Variants in C1QTNF2 observed in about 807,000 individuals in gnomAD.
C1QTNF2 encodes the protein C1q and TNF related 2.
Under a neutral mutation model 17.4 loss-of-function variants are expected in C1QTNF2, and 15 were observed. That is an observed-to-expected ratio of 0.86 (90% CI 0.58 to 1.33). C1QTNF2 has a LOEUF of 1.33. Ranked by LOEUF, C1QTNF2 falls within the 40% of genes most tolerant of loss-of-function variation. The probability of loss-of-function intolerance (pLI) is 0.00; values close to 1 mark genes in which losing one functional copy is unlikely to be tolerated. For synonymous variants in C1QTNF2, 154 were observed against 163.3 expected (o/e 0.94, Z 0.44); for missense variants, 381 against 392.3 (o/e 0.97, Z 0.24).
At chr5:160,366,181 A>T (rs1004405608) in intron 1 of C1QTNF2, among the ~76,000 whole-genome samples, 11 of 152,118 alleles carry the variant, frequency 7.2e-5, no homozygotes, top group Non-Finnish European at 1.6e-4. Flanking sequence ...CTTAGCTCTC[A>T]CTTATGAGTG....
At chr5:160,357,519 T>C (rs1339421698) in intron 1 of C1QTNF2, among the ~76,000 whole-genome samples, 2 of 151,174 alleles carry the variant, frequency 1.3e-5, no homozygotes, top group African/African-American at 2.5e-5. Context: ...AATCACCATT[T>C]CTTTCCCTGT....
At chr5:160,369,332 A>C (rs925127708) in intron 1 of C1QTNF2, among the ~76,000 whole-genome samples, 1 of 152,204 alleles carries the variant, frequency 6.6e-6, no homozygotes, top group African/African-American at 2.4e-5. Context: ...GGAGATGGGG[A>C]GAAGTCAGAC....
chr5:160,352,766 A>G (rs1233489448), intron 2 of C1QTNF2, among the ~76,000 whole-genome samples: 1 of 152,180 alleles, frequency 6.6e-6, no homozygotes, highest in African/African-American at 2.4e-5. Flanking sequence ...AAGCTATGAT[A>G]GTTACTTTTA....
chr5:160,349,833 A>T lies in C1QTNF2; in HGVS notation c.245-52T>A. 1 of 1,499,100 alleles carries T rather than the reference A, an allele frequency of 6.7e-7. No individual in the cohort carries two copies. Among genetic ancestry groups the T allele is most frequent in the African/African-American group, 1.4e-5 (1 of 71,728 alleles). The allele number at this position is 1,499,100 out of a possible 1,614,324, so 92.9% of individuals were successfully genotyped here. ...GGAGGGTCCTCACAGACCTAGGCAG[A>T]GGGGTGCGGTGCGGCTTGGTCTTCC... On this transcript the variant is annotated intron_variant, in intron 2 of 2. Transcript: ENST00000652664. The surrounding 1 kb of genome is among the most constrained non-coding windows in gnomAD (Gnocchi z 4.3).
At chr5:160,355,089 G>T in intron 1 of C1QTNF2, 69 bp from the exon 2 acceptor site, 2 of 1,458,062 alleles carry the variant, frequency 1.4e-6, no homozygotes, top group Non-Finnish European at 1.8e-6. Context: ...GGTCAGAGGG[G>T]ATGCACAGGA....
chr5:160,354,680 T>C (rs1015563288), intron 2 of C1QTNF2, 88 bp downstream of exon 2: 30 of 1,362,794 alleles, frequency 2.2e-5, no homozygotes, highest in Non-Finnish European at 2.4e-5. Context: ...AGAGGATTAA[T>C]ACTAGTTTTA....
In C1QTNF2 at chr5:160,354,991, C is replaced by T; in HGVS notation, c.21G>A (p.Leu7=). Residue 7 remains leucine (L), a synonymous_variant, in exon 2 of 3, where the codon CTG becomes CTA. Transcript: ENST00000652664. ...CAGCAGCACAGGGGAGGGCACAGGC[C>T]AGGAGCACCCAGGGGATCATGGTGG... MIPWVL[L]ACALPCAADP... The T allele has an allele frequency of 6.3e-7, 1 of 1,579,700 alleles. No homozygotes were observed. The highest frequency in any genetic ancestry group is 8.6e-7 in the Non-Finnish European group (1 of 1,164,334).
At chr5:160,370,448 C>A in intron 1 of C1QTNF2, 64 bp downstream of exon 1, 1 of 1,262,024 alleles carries the variant, frequency 7.9e-7, no homozygotes, top group South Asian at 2.1e-5. Flanking sequence ...CAGTGCGAGT[C>A]CTCCTCCTCC....
rs952657250 is a variant in C1QTNF2 at position 160,347,796 on chromosome 5, G to A, written c.*1372C>T. ...TTTTTTTTTGAGATAGTCTCACTCT[G>A]TTGCCCAGGCTGGAGTGCAGTGGCA... On this transcript the variant is annotated 3_prime_UTR_variant, in exon 3 of 3. Coordinates refer to ENST00000652664, the MANE Select transcript of C1QTNF2 (RefSeq NM_031908.6). 7.4e-6 allele frequency: 1 copy of A among 135,852 alleles called. No homozygotes were observed. The highest frequency in any genetic ancestry group is 1.5e-5 in the Non-Finnish European group (1 of 64,916). The allele number at this position is 135,852 out of a possible 1,614,324, so 8.4% of individuals were successfully genotyped here.
At chr5:160,365,093 C>T (rs1342626053) in intron 1 of C1QTNF2, among the ~76,000 whole-genome samples, 8 of 152,202 alleles carry the variant, frequency 5.3e-5, no homozygotes, top group Non-Finnish European at 7.3e-5. Flanking sequence ...GAGCATCCAG[C>T]TGGCACACCT....
chr5:160,369,937 C>T (rs1764318754), intron 1 of C1QTNF2, among the ~76,000 whole-genome samples: 1 of 152,074 alleles, frequency 6.6e-6, no homozygotes, highest in Admixed American at 6.5e-5. Flanking sequence ...CTCTGCCTGC[C>T]GTTCAATACC....
At chr5:160,366,901 G>A (rs1448626447) in intron 1 of C1QTNF2, among the ~76,000 whole-genome samples, 1 of 137,670 alleles carries the variant, frequency 7.3e-6, no homozygotes, top group Non-Finnish European at 1.7e-5. Context: ...GTGCATGCCT[G>A]TAGTCCCAAT....
intron 1 of C1QTNF2, among the ~76,000 whole-genome samples, chr5:160,366,827 C>T (rs1764255516): frequency 6.6e-6 from 1 of 151,996 alleles, no homozygotes; most frequent in Admixed American, 6.6e-5. Context: ...AGTTCGAGAC[C>T]AGCCTGGACA....
In C1QTNF2 at chr5:160,348,854, T is replaced by C. The variant is rs1341393578; in HGVS notation, c.*314A>G. ...AATATTATATTATTTGCTTGTATAT[T>C]TGTAAATTGTATCTCCTGCTAGAAT... is the stretch of plus-strand genomic sequence containing the variant. On this transcript the variant is annotated 3_prime_UTR_variant, in exon 3 of 3. Transcript: ENST00000652664. 5 of 268,564 alleles carry C rather than the reference T, an allele frequency of 1.9e-5. No individual in the cohort carries two copies. Among genetic ancestry groups the C allele is most frequent in the African/African-American group, 6.5e-5 (3 of 45,898 alleles). The allele number at this position is 268,564 out of a possible 1,614,324, so 16.6% of individuals were successfully genotyped here.
intron 1 of C1QTNF2, among the ~76,000 whole-genome samples, chr5:160,363,563 A>G (rs1366315341): frequency 6.6e-6 from 1 of 152,274 alleles, no homozygotes; most frequent in Non-Finnish European, 1.5e-5. Flanking sequence ...TCCTGAAAGC[A>G]CACAGGAAAT....
At chr5:160,368,281 C>T (rs1303770343) in intron 1 of C1QTNF2, among the ~76,000 whole-genome samples, 1 of 152,168 alleles carries the variant, frequency 6.6e-6, no homozygotes, top group Admixed American at 6.5e-5. Flanking sequence ...TGCCTGTAAT[C>T]CCAGCGCTTT....
intron 2 of C1QTNF2, among the ~76,000 whole-genome samples, chr5:160,354,023 T>G (rs1279255337): frequency 6.6e-6 from 1 of 151,958 alleles, no homozygotes; most frequent in African/African-American, 2.4e-5. Context: ...CTGGCTAGTC[T>G]TGAACTCCTG....
chr5:160,354,950 G>A lies in C1QTNF2; in HGVS notation c.62C>T (p.Ala21Val), dbSNP rs976479236. 7 of 1,594,958 alleles carry A rather than the reference G, an allele frequency of 4.4e-6. No homozygotes were observed. Among genetic ancestry groups the A allele is most frequent in the Non-Finnish European group, 6.0e-6 (7 of 1,171,508 alleles). ...LPCAADPLLGAFARRDFRKGS... is the reference protein window; with the variant it reads ...LPCAADPLLGVFARRDFRKGS... Reference sequence around the variant, plus strand: ...TTTCCGGAAGTCCCTGCGAGCAAAGGCGCCAAGCAGTGGGTCAGCAGCACA... The same window carrying A: ...TTTCCGGAAGTCCCTGCGAGCAAAGACGCCAAGCAGTGGGTCAGCAGCACA... Residue 21 changes from alanine to valine, a missense_variant, in exon 2 of 3, where the codon GCC becomes GTC. Ala to Val is a moderately conservative substitution (Grantham distance 64). Coordinates refer to ENST00000652664, the MANE Select transcript of C1QTNF2 (RefSeq NM_031908.6).
At position 160,349,033 on chromosome 5, in the gene C1QTNF2, A is replaced by G; in HGVS notation, c.*135T>C. ...GTTTGGATTTAATGAAGGGGAAAAAAAGAGGCAGAGGAGGTGAGCCTGAGG... is the reference window on the plus strand; with the variant it reads ...GTTTGGATTTAATGAAGGGGAAAAAGAGAGGCAGAGGAGGTGAGCCTGAGG... On this transcript the variant is annotated 3_prime_UTR_variant, in exon 3 of 3. Transcript: ENST00000652664. The surrounding 1 kb of genome is among the most constrained non-coding windows in gnomAD (Gnocchi z 4.3). 2 of 1,067,216 alleles carry G rather than the reference A, an allele frequency of 1.9e-6. No homozygotes were observed. The highest frequency in any genetic ancestry group is 3.3e-5 in the South Asian group (2 of 60,314). The allele number at this position is 1,067,216 out of a possible 1,614,324, so 66.1% of individuals were successfully genotyped here.
Sources: gnomAD v4.1 joint callset for allele counts (sites outside exome capture counted in the v4.1 genomes callset) on GRCh38, gnomAD v4.1.1 for gene constraint, Gnocchi (gnomAD v3.1) non-coding constraint, MANE v1.5 for transcripts, NCBI Gene and HGNC (gene_info 2026-07-23, HGNC 2026-07-21) for gene names.